CACNA1C: variants seen among roughly 807,000 people sequenced by gnomAD.
CACNA1C encodes the protein calcium voltage-gated channel subunit alpha1 C, also known as voltage-dependent L-type calcium channel subunit alpha-1C.
In CACNA1C, 30 loss-of-function variants were observed where a neutral mutation model predicts 229.0. The observed-to-expected ratio is 0.13, with a 90% CI of 0.10 to 0.18. The LOEUF is 0.18. Ranked by LOEUF, CACNA1C falls within the 10% of genes least tolerant of loss-of-function variation. The pLI, the probability that CACNA1C is intolerant of heterozygous loss-of-function variation, is 1.00. For synonymous variants in CACNA1C, 1,114 were observed against 1,132.5 expected, an observed-to-expected ratio of 0.98 and a Z score of 0.33; for missense variants, 1,658 against 2,845.0, an observed-to-expected ratio of 0.58 and a Z score of 9.49.
Position 2,493,772 on chromosome 12 carries a change from G to A in CACNA1C, c.1113+386G>A, listed in dbSNP as rs2099741108. Among the ~76,000 whole-genome samples, 1 of 152,186 alleles carries A rather than the reference G, an allele frequency of 6.6e-6. No homozygotes were observed. The highest frequency in any genetic ancestry group is 2.1e-4 in the South Asian group (1 of 4,832). ...TCTTTCCTCAAAAGGGAGCTAGAAG[G>A]CAGAATTATGTATTCTTAGGGCAGA... is the stretch of plus-strand genomic sequence containing the variant. On this transcript the variant is annotated intron_variant, in intron 7 of 46. Transcript: ENST00000399655. The surrounding 1 kb of genome is among the most constrained non-coding windows in gnomAD (Gnocchi z 4.6).
At chr12:2,332,734 A>G (rs949846067) in intron 3 of CACNA1C, among the ~76,000 whole-genome samples, 5 of 152,226 alleles carry the variant, frequency 3.3e-5, no homozygotes, top group African/African-American at 9.6e-5. Flanking sequence ...TTTTAACAGC[A>G]TGACAGCATG....
intron 3 of CACNA1C, among the ~76,000 whole-genome samples, chr12:2,284,427 G>A (rs1483268342): frequency 6.6e-6 from 1 of 152,060 alleles, no homozygotes; most frequent in African/African-American, 2.4e-5. Flanking sequence ...AAGAGCCACT[G>A]AAAGGAAGAG....
At chr12:2,439,800 C>T (rs2099200217) in intron 3 of CACNA1C, among the ~76,000 whole-genome samples, 1 of 152,056 alleles carries the variant, frequency 6.6e-6, no homozygotes, top group Non-Finnish European at 1.5e-5. Context: ...TGCTTGCCCT[C>T]AATAAATAGG....
chr12:2,549,131 C>A (rs1412417516), intron 9 of CACNA1C, among the ~76,000 whole-genome samples: 2 of 152,168 alleles, frequency 1.3e-5, no homozygotes, highest in African/African-American at 4.8e-5. Context: ...TCCCATTGTT[C>A]TGGAAATTCA....
At chr12:2,260,499 C>G (rs994099090) in intron 3 of CACNA1C, among the ~76,000 whole-genome samples, 18 of 139,034 alleles carry the variant, frequency 1.3e-4, no homozygotes, top group East Asian at 1.1e-3. Flanking sequence ...AAAAAAAGAA[C>G]AAGAAGAAGA....
At chr12:2,477,266 C>G (rs765530236) in intron 5 of CACNA1C, among the ~76,000 whole-genome samples, 1 of 152,186 alleles carries the variant, frequency 6.6e-6, no homozygotes, top group Non-Finnish European at 1.5e-5. Flanking sequence ...GAAAGGAGCA[C>G]TCATTTTTAG....
intron 1 of CACNA1C, among the ~76,000 whole-genome samples, chr12:2,084,953 G>A (rs1296848853): frequency 6.6e-6 from 1 of 152,150 alleles, no homozygotes; most frequent in African/African-American, 2.4e-5. Flanking sequence ...TTTTTATTCT[G>A]ACTGAAACTT....
chr12:2,262,718 A>T (rs2080790933), intron 3 of CACNA1C, among the ~76,000 whole-genome samples: 1 of 152,162 alleles, frequency 6.6e-6, no homozygotes, highest in African/African-American at 2.4e-5. Flanking sequence ...TATGGGATGA[A>T]TGCTAAGAAT....
At chr12:1,999,169 T>C (rs1266673448) in intron 1 of CACNA1C, among the ~76,000 whole-genome samples, 2 of 152,234 alleles carry the variant, frequency 1.3e-5, no homozygotes, top group East Asian at 3.8e-4. Flanking sequence ...GGGATGGTGC[T>C]CAGCAATCTG....
At chr12:1,976,951 G>A (rs1272775620) in intron 1 of CACNA1C, among the ~76,000 whole-genome samples, 1 of 152,118 alleles carries the variant, frequency 6.6e-6, no homozygotes, top group Non-Finnish European at 1.5e-5. Flanking sequence ...AGGGGTTTGT[G>A]ACTCACAGAA....
intron 1 of CACNA1C, among the ~76,000 whole-genome samples, chr12:2,018,767 A>G (rs1173094316): frequency 6.6e-6 from 1 of 152,224 alleles, no homozygotes; most frequent in Non-Finnish European, 1.5e-5. Context: ...AGTAAATCTA[A>G]TTATAAAAAT....
rs2099095790 is a variant in CACNA1C at position 2,432,503 on chromosome 12, G to T, written c.478-16473G>T. On this transcript the variant is annotated intron_variant, in intron 3 of 46. Coordinates refer to ENST00000399655, the MANE Select transcript of CACNA1C (RefSeq NM_000719.7). ...CTGGGGTTCAGCTTCTTTTTCTCTG[G>T]GAGTCTGACCCTCTCCTCCCACCTG... is the stretch of plus-strand genomic sequence containing the variant. Among the ~76,000 whole-genome samples the T allele has an allele frequency of 2.0e-5, 3 of 152,044 alleles. No homozygotes were observed. In the South Asian group the frequency reaches 6.2e-4, roughly 32 times the overall value.
chr12:2,457,061 G>A (rs1021618816), intron 4 of CACNA1C, among the ~76,000 whole-genome samples: 7 of 152,138 alleles, frequency 4.6e-5, no homozygotes, highest in South Asian at 2.1e-4. Flanking sequence ...ATTCATTTGC[G>A]CAGCACGCAC....
chr12:2,485,482 C>T (rs114192338), intron 5 of CACNA1C, among the ~76,000 whole-genome samples: 42 of 152,326 alleles, frequency 2.8e-4, no homozygotes, highest in South Asian at 1.2e-3. Flanking sequence ...ACCGACAACA[C>T]CCATGTCCCC....
chr12:2,234,100 A>G (rs1193313686), intron 3 of CACNA1C, among the ~76,000 whole-genome samples: 1 of 152,200 alleles, frequency 6.6e-6, no homozygotes, highest in African/African-American at 2.4e-5. Flanking sequence ...TTCACGGCCC[A>G]GAAAGGTGTC....
rs751391010 is a variant in CACNA1C, at chr12:2,610,672, G to T, written c.3690G>T (p.Leu1230=). The change falls in exon 28 of 47, where the codon CTG becomes CTT. Residue 1230 remains leucine, a synonymous_variant. Transcript: ENST00000399655. Reference sequence around the variant, plus strand: ...AGTACCTGATGTTCGTCCTCATCCTGCTCAACACCATCTGCCTGGCCATGC... The same window carrying T: ...AGTACCTGATGTTCGTCCTCATCCTTCTCAACACCATCTGCCTGGCCATGC... ...YFEYLMFVLI[L]LNTICLAMQH... The T allele has an allele frequency of 2.5e-6, 4 of 1,614,214 alleles. No individual in the cohort carries two copies. Among genetic ancestry groups the T allele is most frequent in the Non-Finnish European group, 3.4e-6 (4 of 1,180,044 alleles).
intron 3 of CACNA1C, among the ~76,000 whole-genome samples, chr12:2,332,425 G>C (rs1041581106): frequency 6.6e-6 from 1 of 152,210 alleles, no homozygotes; most frequent in African/African-American, 2.4e-5. Context: ...CATTGAAGGA[G>C]AGGATGTGAG....
chr12:2,330,643 A>C (rs1184088546), intron 3 of CACNA1C, among the ~76,000 whole-genome samples: 2 of 152,200 alleles, frequency 1.3e-5, no homozygotes, highest in African/African-American at 4.8e-5. Flanking sequence ...GGAGAGAAAA[A>C]CAGTTTTACC....
At chr12:2,074,698 A>G (rs2062553737) in intron 1 of CACNA1C, among the ~76,000 whole-genome samples, 1 of 152,180 alleles carries the variant, frequency 6.6e-6, no homozygotes. Flanking sequence ...TGGATGAATT[A>G]GACCCCCCTG....
Sources: allele counts gnomAD v4.1 joint callset (sites outside exome capture counted in the v4.1 genomes callset), GRCh38; gene constraint gnomAD v4.1.1; non-coding constraint Gnocchi (gnomAD v3.1); transcripts MANE v1.5; gene names NCBI Gene and HGNC (gene_info 2026-07-23, HGNC 2026-07-21).